Variants in FBXW12 observed in about 807,000 individuals in gnomAD.
The protein encoded by FBXW12 is F-box and WD repeat domain containing 12.
FBXW12 carries 43 observed loss-of-function variants against 55.3 expected under a neutral mutation model. The ratio of observed to expected loss-of-function variants is 0.78; its 90% CI spans 0.61 to 1.00. FBXW12 has a LOEUF of 1.00. FBXW12 is among the 50% of genes least tolerant of loss of function. FBXW12 has a pLI of 0.00. For synonymous variants in FBXW12, 184 were observed against 203.8 expected (o/e 0.90, Z 0.83); for missense variants, 524 against 560.5 (o/e 0.93, Z 0.66).
intron 5 of FBXW12, among the ~76,000 whole-genome samples, chr3:48,376,360 T>C (rs1229583226): frequency 1.3e-5 from 2 of 152,232 alleles, no homozygotes; most frequent in African/African-American, 4.8e-5. Context: ...ATGGAATGCA[T>C]TTATGAAATA....
chr3:48,389,831 G>A (rs753023843), intron 10 of FBXW12, among the ~76,000 whole-genome samples: 2 of 152,184 alleles, frequency 1.3e-5, no homozygotes, highest in Non-Finnish European at 2.9e-5. Flanking sequence ...ATAGTTTGGG[G>A]TCTTACATCT....
At chr3:48,375,208 G>A in intron 4 of FBXW12, 146 bp from the exon 5 acceptor site, 1 of 604,536 alleles carries the variant, frequency 1.7e-6, no homozygotes, top group Non-Finnish European at 2.9e-6. Context: ...ACCTGTGTTT[G>A]GATGACTCTG....
chr3:48,381,583 T>C, intron 8 of FBXW12, 117 bp from the exon 9 acceptor site: 1 of 1,145,064 alleles, frequency 8.7e-7, no homozygotes, highest in South Asian at 2.2e-5. Context: ...CGGAATGAAG[T>C]CTGTGGAAGT....
At chr3:48,377,841 T>C (rs1338259874) in intron 5 of FBXW12, among the ~76,000 whole-genome samples, 1 of 152,222 alleles carries the variant, frequency 6.6e-6, no homozygotes, top group Non-Finnish European at 1.5e-5. Context: ...ACAATTTTTT[T>C]AAAGGCTAAA....
In FBXW12 at chr3:48,379,471, A is replaced by G. The variant is rs779651754; in HGVS notation, c.687A>G (p.Ala229=). 4 of 1,614,012 alleles carry G rather than the reference A, an allele frequency of 2.5e-6. No individual in the cohort carries two copies. Among genetic ancestry groups the G allele is most frequent in the South Asian group, 1.1e-5 (1 of 91,084 alleles). Reference sequence around the variant, plus strand: ...TAAGAGATGTTTCTAAAGTTACTGCATTTCAATATGGTATTGTACTTCTAC... The same window carrying G: ...TAAGAGATGTTTCTAAAGTTACTGCGTTTCAATATGGTATTGTACTTCTAC... ...PGLRDVSKVT[A]FQYGIVLLHC... The change falls in exon 7 of 11, where the codon GCA becomes GCG. Residue 229 remains alanine, a synonymous_variant. Transcript: ENST00000296438.
intron 10 of FBXW12, among the ~76,000 whole-genome samples, chr3:48,393,327 C>G (rs113920987): frequency 6.6e-6 from 1 of 152,044 alleles, no homozygotes; most frequent in Non-Finnish European, 1.5e-5. Flanking sequence ...GTCAGTGCAC[C>G]GGGGGAGATA....
intron 10 of FBXW12, among the ~76,000 whole-genome samples, chr3:48,387,040 C>A (rs1317886102): frequency 2.6e-5 from 4 of 151,516 alleles, no homozygotes; most frequent in East Asian, 1.9e-4. Context: ...TGGGTTCAAG[C>A]GATTCTCCTG....
chr3:48,381,744 C>T lies in FBXW12; in HGVS notation c.1030C>T (p.Pro344Ser). Residue 344 changes from proline to serine, a missense_variant, in exon 9 of 11, where the codon CCT (proline) becomes TCT (serine). By Grantham distance (74) the Pro-to-Ser change is moderately conservative. Coordinates refer to ENST00000296438, the MANE Select transcript of FBXW12 (RefSeq NM_207102.2). ...SFQVAAHLKC[P>S]IWMGASDGYM... ...CCAGGTGGCAGCTCATCTGAAGTGCCCTATCTGGATGGGAGCCAGTGATGG... is the reference window on the plus strand; with the variant it reads ...CCAGGTGGCAGCTCATCTGAAGTGCTCTATCTGGATGGGAGCCAGTGATGG... The T allele has an allele frequency of 6.2e-7, 1 of 1,607,858 alleles. No individual in the cohort carries two copies. Among genetic ancestry groups the T allele is most frequent in the Non-Finnish European group, 8.5e-7 (1 of 1,176,228 alleles).
intron 10 of FBXW12, among the ~76,000 whole-genome samples, chr3:48,386,738 C>T (rs2036853308): frequency 6.6e-6 from 1 of 152,068 alleles, no homozygotes; most frequent in African/African-American, 2.4e-5. Flanking sequence ...GTTTTGGATG[C>T]TGTTGTAAGT....
rs375516863 is a variant in FBXW12 at position 48,393,413 on chromosome 3, G to A, written c.1296-1147G>A. On this transcript the variant is annotated intron_variant, in intron 10 of 10. Coordinates refer to ENST00000296438, the MANE Select transcript of FBXW12 (RefSeq NM_207102.2). ...AAGTGTCACCTTTACTTGAGTTAGT[G>A]CAAGGCAGGGATGGTCAACAGGGTA... 2.2e-4 allele frequency among the ~76,000 whole-genome samples: 33 copies of A among 152,260 alleles called. 1 individual carries two copies. Among genetic ancestry groups the A allele is most frequent in the African/African-American group, 2.9e-4 (12 of 41,536 alleles).
rs2036757191 is a variant in FBXW12, at chr3:48,380,880, C to G, written c.953C>G (p.Thr318Ser). ...GAATTTATCACCTTTGATCTAACAACCAAGAAGACTGGAGGCCAAACAGTC... is the reference window on the plus strand; with the variant it reads ...GAATTTATCACCTTTGATCTAACAAGCAAGAAGACTGGAGGCCAAACAGTC... ...KTEFITFDLT[T>S]KKTGGQTVIQ... The change falls in exon 8 of 11, where the codon ACC becomes AGC. Residue 318 changes from threonine (T) to serine (S), a missense_variant. Coordinates refer to ENST00000296438, the MANE Select transcript of FBXW12 (RefSeq NM_207102.2). The G allele has an allele frequency of 1.2e-6, 2 of 1,613,966 alleles. No individual in the cohort carries two copies. The highest frequency in any genetic ancestry group is 2.7e-5 in the African/African-American group (2 of 74,924).
Position 48,382,083 on chromosome 3 carries a change from C to G in FBXW12, c.1293C>G (p.Asp431Glu). ...LENTWHDHTT[D>E]SCISSVMCDN... is the part of the protein sequence containing the mutation. ...ACACGTGGCATGATCACACAACAGA[C>G]AGGTAAGCTCTGTTTTGTGATGTAA... is the stretch of plus-strand genomic sequence containing the variant. Residue 431 changes from aspartate to glutamate, a missense_variant and splice_region_variant, in exon 10 of 11, where the codon GAC becomes GAG. Physicochemically the swap from Asp to Glu is conservative, Grantham distance 45. Coordinates refer to ENST00000296438, the MANE Select transcript of FBXW12 (RefSeq NM_207102.2). 6.2e-7 allele frequency: 1 copy of G among 1,613,742 alleles called. No individual in the cohort carries two copies. Among genetic ancestry groups the G allele is most frequent in the Non-Finnish European group, 8.5e-7 (1 of 1,180,026 alleles).
At position 48,385,624 on chromosome 3, in the gene FBXW12, A is replaced by G. The variant is rs2036838411; in HGVS notation, c.1295+3539A>G. The stretch of plus-strand genomic sequence containing the variant: ...TGTTGTTTTCCATAATGGCTGTACT[A>G]ATTTACATTCCCACCTACAACATAC... On this transcript the variant is annotated intron_variant, in intron 10 of 10. Transcript: ENST00000296438. 2.6e-5 allele frequency among the ~76,000 whole-genome samples: 4 copies of G among 152,096 alleles called. No individual in the cohort carries two copies. The South Asian group carries it at 8.3e-4, about 32-fold the overall frequency.
At chr3:48,375,499 G>A in intron 5 of FBXW12, 27 bp downstream of exon 5, 1 of 1,332,566 alleles carries the variant, frequency 7.5e-7, no homozygotes, top group Non-Finnish European at 1.1e-6. Context: ...TGTGGCAAAA[G>A]TACTGCATAT....
At chr3:48,389,972 T>C (rs181528433) in intron 10 of FBXW12, among the ~76,000 whole-genome samples, 32 of 152,324 alleles carry the variant, frequency 2.1e-4, no homozygotes, top group Admixed American at 2.0e-3. Context: ...CGCCATTGTT[T>C]ATTTTTGTCA....
intron 10 of FBXW12, among the ~76,000 whole-genome samples, chr3:48,394,352 AG>A (rs1204310657): frequency 6.6e-6 from 1 of 152,226 alleles, no homozygotes; most frequent in African/African-American, 2.4e-5. Context: ...ATAATATTTG[AG>A]AGCAGGTTGT....
At chr3:48,382,246 A>G (rs2036787901) in intron 10 of FBXW12, among the ~76,000 whole-genome samples, 161 bp downstream of exon 10, 1 of 152,050 alleles carries the variant, frequency 6.6e-6, no homozygotes, top group South Asian at 2.1e-4. Flanking sequence ...CCTCCCAAGT[A>G]GCTGGGATTA....
intron 10 of FBXW12, among the ~76,000 whole-genome samples, chr3:48,386,831 A>G (rs1461444873): frequency 6.6e-6 from 1 of 151,996 alleles, no homozygotes. Context: ...AATCCCACTT[A>G]CTCATTTTAT....
rs757598371 is a variant in FBXW12 at position 48,379,574 on chromosome 3, T to C, written c.774+16T>C. 6 of 1,610,822 alleles carry C rather than the reference T, an allele frequency of 3.7e-6. No individual in the cohort carries two copies. The African/African-American group carries it at 4.0e-5, about 11-fold the overall frequency. ...CTTGCCACAGGTAGGTGCTGTTCTG[T>C]GTATTTCAATTTCAGGATAGGAATG... On this transcript the variant is annotated intron_variant, in intron 7 of 10. Coordinates refer to ENST00000296438, the MANE Select transcript of FBXW12 (RefSeq NM_207102.2).
Sources: gnomAD v4.1 joint callset for allele counts (sites outside exome capture counted in the v4.1 genomes callset) on GRCh38, gnomAD v4.1.1 for gene constraint, MANE v1.5 for transcripts, NCBI Gene and HGNC (gene_info 2026-07-23, HGNC 2026-07-21) for gene names.